Variants in PRKCA observed in about 807,000 individuals in gnomAD.
The protein encoded by PRKCA is protein kinase C alpha.
In PRKCA, 27 loss-of-function variants were observed where a neutral mutation model predicts 87.0. The ratio of observed to expected loss-of-function variants is 0.31; its 90% CI spans 0.23 to 0.43. PRKCA has a LOEUF of 0.43. Among genes scored for constraint, PRKCA ranks in the 20% least tolerant of loss-of-function variants. The pLI is 1.00. For synonymous variants in PRKCA, 329 were observed against 311.1 expected (o/e 1.06, Z -0.61); for missense variants, 518 against 852.3 (o/e 0.61, Z 4.88).
chr17:66,360,072 T>C (rs1908298019), intron 2 of PRKCA, among the ~76,000 whole-genome samples: 1 of 152,220 alleles, frequency 6.6e-6, no homozygotes, highest in African/African-American at 2.4e-5. Context: ...ATATGTAGAA[T>C]TAGGAATATT....
intron 3 of PRKCA, among the ~76,000 whole-genome samples, chr17:66,523,176 A>T (rs1384513841): frequency 1.3e-5 from 2 of 152,184 alleles, no homozygotes; most frequent in African/African-American, 4.8e-5. Context: ...AAGAAGCAAG[A>T]TGAGTCAATC....
chr17:66,326,083 C>T (rs1905963674), intron 2 of PRKCA, among the ~76,000 whole-genome samples: 1 of 152,094 alleles, frequency 6.6e-6, no homozygotes, highest in African/African-American at 2.4e-5. Context: ...CTGTTAGGCA[C>T]TTTATGTAGA....
At chr17:66,430,221 T>A (rs1375865015) in intron 2 of PRKCA, among the ~76,000 whole-genome samples, 1 of 151,974 alleles carries the variant, frequency 6.6e-6, no homozygotes, top group Non-Finnish European at 1.5e-5. Context: ...CTCCCGCCTT[T>A]CCCCATTTCA....
chr17:66,567,973 G>A (rs1212149532), intron 3 of PRKCA, among the ~76,000 whole-genome samples: 1 of 152,126 alleles, frequency 6.6e-6, no homozygotes, highest in African/African-American at 2.4e-5. Context: ...ATTATAAAAA[G>A]CACTAAGTGT....
intron 3 of PRKCA, among the ~76,000 whole-genome samples, chr17:66,617,885 C>G (rs16959734): frequency 0.028 from 4,291 of 152,182 alleles, 211 homozygotes; most frequent in African/African-American, 0.098. Context: ...TTTGTCAGGC[C>G]AAGAGGCAGC....
intron 13 of PRKCA, among the ~76,000 whole-genome samples, chr17:66,757,999 A>G (rs1008904802): frequency 3.9e-5 from 6 of 152,228 alleles, no homozygotes; most frequent in Non-Finnish European, 5.9e-5. Flanking sequence ...TGCTGGGATT[A>G]CAGGCGTGAG....
intron 8 of PRKCA, among the ~76,000 whole-genome samples, chr17:66,716,891 G>A (rs1973490319): frequency 6.6e-6 from 1 of 152,192 alleles, no homozygotes; most frequent in African/African-American, 2.4e-5. Flanking sequence ...GCCAAAGTGG[G>A]TGTGTCCATG....
intron 3 of PRKCA, among the ~76,000 whole-genome samples, chr17:66,510,424 G>A (rs1173924450): frequency 6.6e-6 from 1 of 152,148 alleles, no homozygotes; most frequent in African/African-American, 2.4e-5. Flanking sequence ...ATGTTGGTAG[G>A]AAAAACTGCT....
At chr17:66,726,942 T>G (rs1973767168) in intron 8 of PRKCA, among the ~76,000 whole-genome samples, 1 of 152,194 alleles carries the variant, frequency 6.6e-6, no homozygotes, top group Admixed American at 6.5e-5. Context: ...CAGGCTGGTC[T>G]TGAACTGCTG....
chr17:66,697,440 T>C (rs569413317), intron 8 of PRKCA, among the ~76,000 whole-genome samples: 75 of 152,240 alleles, frequency 4.9e-4, no homozygotes, highest in African/African-American at 1.7e-3. Context: ...AATAAACACA[T>C]TGAAGAGGGT....
At chr17:66,580,882 G>T (rs930773795) in intron 3 of PRKCA, among the ~76,000 whole-genome samples, 2 of 152,074 alleles carry the variant, frequency 1.3e-5, no homozygotes, top group Admixed American at 1.3e-4. Context: ...CTACCAATGG[G>T]ATCATACAAT....
chr17:66,442,481 C>G (rs183603335), intron 2 of PRKCA, among the ~76,000 whole-genome samples: 1 of 152,054 alleles, frequency 6.6e-6, no homozygotes, highest in African/African-American at 2.4e-5. Flanking sequence ...CCAGCTCCAC[C>G]CCACGCTTTC....
At chr17:66,425,865 G>A (rs984392077) in intron 2 of PRKCA, among the ~76,000 whole-genome samples, 6 of 152,154 alleles carry the variant, frequency 3.9e-5, no homozygotes, top group Admixed American at 6.5e-5. Context: ...TGCCGGTTAG[G>A]AGGAGGAAGG....
At chr17:66,383,398 T>TG (rs1909877300) in intron 2 of PRKCA, among the ~76,000 whole-genome samples, 1 of 142,518 alleles carries the variant, frequency 7.0e-6, no homozygotes, top group Admixed American at 7.5e-5. Context: ...GGGAAAAGCC[T>TG]ATTTTTTTTT....
intron 2 of PRKCA, among the ~76,000 whole-genome samples, chr17:66,443,433 A>G (rs891658415): frequency 5.3e-5 from 8 of 152,370 alleles, no homozygotes; most frequent in African/African-American, 1.4e-4. Context: ...GTCGTTGTGT[A>G]TTAAACAGGA....
chr17:66,627,172 G>T (rs1970880888), intron 3 of PRKCA, among the ~76,000 whole-genome samples: 1 of 152,182 alleles, frequency 6.6e-6, no homozygotes, highest in African/African-American at 2.4e-5. Context: ...ACCCAGAAAG[G>T]TGAATTTCAA....
At chr17:66,740,421 C>T (rs913015177) in intron 11 of PRKCA, among the ~76,000 whole-genome samples, 3 of 152,130 alleles carry the variant, frequency 2.0e-5, no homozygotes, top group Non-Finnish European at 4.4e-5. Context: ...GGCATGTACC[C>T]TGATGAATGA....
At chr17:66,436,643 A>G (rs1230684881) in intron 2 of PRKCA, among the ~76,000 whole-genome samples, 3 of 152,198 alleles carry the variant, frequency 2.0e-5, no homozygotes, top group Non-Finnish European at 2.9e-5. Context: ...CTGAGAAGAA[A>G]GGATCTTGCT....
At chr17:66,336,864 CT>C (rs1567778019) in intron 2 of PRKCA, among the ~76,000 whole-genome samples, 2 of 151,394 alleles carry the variant, frequency 1.3e-5, no homozygotes, top group Non-Finnish European at 1.5e-5. Context: ...TCTCGGCTTA[CT>C]GCAACCTCTG....
Sources: gnomAD v4.1 joint callset for allele counts (sites outside exome capture counted in the v4.1 genomes callset) on GRCh38, gnomAD v4.1.1 for gene constraint, MANE v1.5 for transcripts, NCBI Gene and HGNC (gene_info 2026-07-23, HGNC 2026-07-21) for gene names.